Variants in CACNA1C observed in about 807,000 individuals in gnomAD.
The protein encoded by CACNA1C is calcium voltage-gated channel subunit alpha1 C, also known as voltage-dependent L-type calcium channel subunit alpha-1C.
A neutral mutation model predicts 229.0 loss-of-function variants in CACNA1C; 30 were observed. The ratio of observed to expected loss-of-function variants is 0.13; its 90% CI spans 0.10 to 0.18. The LOEUF is 0.18. CACNA1C is among the 10% of genes least tolerant of loss of function. The pLI, the probability that CACNA1C is intolerant of heterozygous loss-of-function variation, is 1.00. For synonymous variants in CACNA1C, 1,114 were observed against 1,132.5 expected, an observed-to-expected ratio of 0.98 and a Z score of 0.33; for missense variants, 1,658 against 2,845.0, an observed-to-expected ratio of 0.58 and a Z score of 9.49.
intron 26 of CACNA1C, among the ~76,000 whole-genome samples, chr12:2,607,702 C>T (rs1377604844): frequency 6.6e-6 from 1 of 152,252 alleles, no homozygotes; most frequent in East Asian, 1.9e-4. Flanking sequence ...GCTGCATCAC[C>T]TCTACCAGGC....
chr12:2,064,371 T>C (rs187605851), intron 1 of CACNA1C, among the ~76,000 whole-genome samples: 98 of 152,264 alleles, frequency 6.4e-4, no homozygotes, highest in African/African-American at 2.2e-3. Context: ...CTGGGGACTG[T>C]TGGGAGAGGG....
At chr12:2,522,205 C>T (rs2099811318) in intron 9 of CACNA1C, among the ~76,000 whole-genome samples, 1 of 152,214 alleles carries the variant, frequency 6.6e-6, no homozygotes, top group African/African-American at 2.4e-5. Context: ...CTCACCTACC[C>T]ACCAGTCGGT....
intron 11 of CACNA1C, 106 bp downstream of exon 11, chr12:2,557,083 G>A (rs2044746379): frequency 7.1e-6 from 6 of 849,374 alleles, no homozygotes; most frequent in Non-Finnish European, 1.2e-5. Flanking sequence ...AGTAGTGTAA[G>A]GGCTGTTCTT....
chr12:2,107,095 G>T (rs1481054037), intron 1 of CACNA1C, among the ~76,000 whole-genome samples: 3 of 116,822 alleles, frequency 2.6e-5, no homozygotes, highest in Non-Finnish European at 5.6e-5. Context: ...TTCCACTTCA[G>T]CTGGGGTGTC....
chr12:2,190,476 G>A (rs559266726), intron 3 of CACNA1C, among the ~76,000 whole-genome samples: 7 of 152,180 alleles, frequency 4.6e-5, no homozygotes, highest in Non-Finnish European at 8.8e-5. Context: ...TATCGTAGAC[G>A]TGTTGGGTTC....
At chr12:2,640,362 C>T (rs1246676321) in intron 30 of CACNA1C, among the ~76,000 whole-genome samples, 1 of 152,224 alleles carries the variant, frequency 6.6e-6, no homozygotes, top group Non-Finnish European at 1.5e-5. Flanking sequence ...TTCAGTGCCT[C>T]CTGGCAACGG....
In CACNA1C at chr12:2,595,758, C is replaced by T. The variant is rs1481540003; in HGVS notation, c.2664-116C>T. 7.5e-6 allele frequency: 7 copies of T among 938,866 alleles called. No homozygotes were observed. Among genetic ancestry groups the T allele is most frequent in the Non-Finnish European group, 9.6e-6 (6 of 624,840 alleles). The allele number at this position is 938,866 out of a possible 1,614,324, so 58.2% of individuals were successfully genotyped here. A position where few individuals can be genotyped will look rare whatever the true frequency, so the allele number is the denominator to read the frequency against. On this transcript the variant is annotated intron_variant, in intron 19 of 46. Coordinates refer to ENST00000399655, the MANE Select transcript of CACNA1C (RefSeq NM_000719.7). This position sits in a 1 kb window ranked among gnomAD's most constrained non-coding sequence, Gnocchi z 4.1. ...GAATGAAGAGGTCACTTCAGGCCAA[C>T]AAGCACCTGTTGCCAGCTGCTGGGG...
rs2053206194 is a variant in CACNA1C at position 2,053,764 on chromosome 12, G to A, written c.49+153G>A. On this transcript the variant is annotated intron_variant, in intron 1 of 46. Coordinates refer to ENST00000399655, the MANE Select transcript of CACNA1C (RefSeq NM_000719.7). This position sits in a 1 kb window ranked among gnomAD's most constrained non-coding sequence, Gnocchi z 5.8. ...CGCCTCCGCCTCGTCGGAGCGCCCG[G>A]GAGCCCGGCGGGACCGGGGCCCGAA... Among the ~76,000 whole-genome samples, 1 of 150,704 alleles carries A rather than the reference G, an allele frequency of 6.6e-6. No individual in the cohort carries two copies. Among genetic ancestry groups the A allele is most frequent in the Admixed American group, 6.6e-5 (1 of 15,182 alleles).
At chr12:2,289,727 C>T (rs1462008062) in intron 3 of CACNA1C, among the ~76,000 whole-genome samples, 1 of 151,956 alleles carries the variant, frequency 6.6e-6, no homozygotes, top group East Asian at 1.9e-4. Flanking sequence ...GGCAATGATC[C>T]AAGCTGCCGA....
At position 2,686,312 on chromosome 12, in the gene CACNA1C, G is replaced by A. The variant is rs748104837; in HGVS notation, c.5784+43G>A. The A allele has an allele frequency of 2.1e-6, 3 of 1,413,516 alleles. No individual in the cohort carries two copies. In the South Asian group the frequency reaches 3.4e-5, roughly 16 times the overall value. 87.6% of individuals were successfully genotyped at this position (1,413,516 alleles called of 1,614,324 possible). A position where few individuals can be genotyped will look rare whatever the true frequency, so the allele number is the denominator to read the frequency against. On this transcript the variant is annotated intron_variant, in intron 45 of 46. Transcript: ENST00000399655. Reference sequence around the variant, plus strand: ...ACAGGCCACTGTCACCTGCCAGCAGGCCAGACAGTCCCCAGGGTGACGGAC... The same window carrying A: ...ACAGGCCACTGTCACCTGCCAGCAGACCAGACAGTCCCCAGGGTGACGGAC...
intron 9 of CACNA1C, among the ~76,000 whole-genome samples, chr12:2,541,195 G>A (rs755486719): frequency 2.6e-5 from 4 of 152,102 alleles, no homozygotes; most frequent in African/African-American, 9.7e-5. Context: ...AGAGGTATGC[G>A]GGGGCTGGGA....
chr12:2,256,645 G>T (rs534958763), intron 3 of CACNA1C, among the ~76,000 whole-genome samples: 2 of 152,160 alleles, frequency 1.3e-5, no homozygotes, highest in East Asian at 1.9e-4. Flanking sequence ...CAGATGGCGC[G>T]TTTCCAGGGG....
chr12:2,398,693 A>G (rs573635374), intron 3 of CACNA1C, among the ~76,000 whole-genome samples: 108 of 152,286 alleles, frequency 7.1e-4, no homozygotes, highest in Non-Finnish European at 1.4e-3. Context: ...AAAGCTGCAG[A>G]AAGAGAGGGG....
At chr12:2,046,553 C>T (rs1015941659) in intron 1 of CACNA1C, among the ~76,000 whole-genome samples, 1 of 152,164 alleles carries the variant, frequency 6.6e-6, no homozygotes, top group Non-Finnish European at 1.5e-5. Flanking sequence ...AATTCTCCCA[C>T]CGGGAGAGCC....
chr12:2,228,529 G>T (rs1185445124), intron 3 of CACNA1C, among the ~76,000 whole-genome samples: 1 of 152,242 alleles, frequency 6.6e-6, no homozygotes, highest in South Asian at 2.1e-4. Flanking sequence ...CTGAGTTTTC[G>T]TTCTCCTAAG....
chr12:2,132,230 T>C (rs1215483622), intron 3 of CACNA1C, among the ~76,000 whole-genome samples: 1 of 143,458 alleles, frequency 7.0e-6, no homozygotes, highest in Non-Finnish European at 1.5e-5. Context: ...TTTGTAGATA[T>C]ACAATCATGT....
chr12:2,107,956 C>T (rs1337074523), intron 1 of CACNA1C, among the ~76,000 whole-genome samples: 2 of 152,218 alleles, frequency 1.3e-5, no homozygotes, highest in Non-Finnish European at 2.9e-5. Flanking sequence ...CCACATGTGA[C>T]TATCTGAATG....
intron 5 of CACNA1C, among the ~76,000 whole-genome samples, chr12:2,466,224 A>C (rs1419368510): frequency 6.6e-6 from 1 of 152,124 alleles, no homozygotes; most frequent in East Asian, 1.9e-4. Flanking sequence ...GTTTAAAGCC[A>C]CTCATGCTGT....
intron 1 of CACNA1C, among the ~76,000 whole-genome samples, chr12:2,015,314 G>A (rs1023520329): frequency 1.3e-5 from 2 of 152,178 alleles, no homozygotes; most frequent in African/African-American, 2.4e-5. Context: ...ATAAGACTGT[G>A]TTAGCTTATC....
Sources: allele counts gnomAD v4.1 joint callset (sites outside exome capture counted in the v4.1 genomes callset), GRCh38; gene constraint gnomAD v4.1.1; non-coding constraint Gnocchi (gnomAD v3.1); transcripts MANE v1.5; gene names NCBI Gene and HGNC (gene_info 2026-07-23, HGNC 2026-07-21).